DAP: variants seen among roughly 807,000 people sequenced by gnomAD.
The protein encoded by DAP is death-associated protein 1.
In DAP, 8 loss-of-function variants were observed where a neutral mutation model predicts 13.8. That is an observed-to-expected ratio of 0.58 (90% confidence interval 0.34 to 1.05). The LOEUF (loss-of-function observed/expected upper bound fraction) is 1.05. Among genes scored for constraint, DAP ranks in the 50% least tolerant of loss-of-function variants. The pLI, the probability that DAP is intolerant of heterozygous loss-of-function variation, is 0.03. For synonymous variants in DAP, 47 were observed against 47.5 expected (o/e 0.99, Z 0.04); for missense variants, 106 against 133.2 (o/e 0.80, Z 1.01).
At chr5:10,682,424 C>T (rs1438323941) in intron 3 of DAP, among the ~76,000 whole-genome samples, 2 of 150,852 alleles carry the variant, frequency 1.3e-5, no homozygotes, top group African/African-American at 2.4e-5. Flanking sequence ...CCCATACCAG[C>T]GTCCCTGCAG....
Position 10,681,063 on chromosome 5 carries a change from C to G in DAP, c.302G>C (p.Arg101Pro), listed in dbSNP as rs756745510. The change falls in exon 4 of 4, where the codon CGC becomes CCC. Residue 101 changes from arginine to proline, a missense_variant. By Grantham distance (103) the Arg-to-Pro change is moderately radical (BLOSUM62 -2). Coordinates refer to ENST00000230895, the MANE Select transcript of DAP (RefSeq NM_004394.3). ...GGCTGGTGGACTCCAGGCTCACTTG[C>G]GTGGCTGCTGGATGTGCTGGGTTCT... is the stretch of plus-strand genomic sequence containing the variant. ...SPRTQHIQQPRK is the reference protein window; with the variant it reads ...SPRTQHIQQPPK 2 of 1,593,978 alleles carry G rather than the reference C, an allele frequency of 1.3e-6. No homozygotes were observed. The highest frequency in any genetic ancestry group is 2.7e-5 in the African/African-American group (2 of 74,738).
Position 10,681,042 on chromosome 5 carries a change from G to T in DAP, c.*14C>A. 1 of 1,582,294 alleles carries T rather than the reference G, an allele frequency of 6.3e-7. No homozygotes were observed. The highest frequency in any genetic ancestry group is 8.6e-7 in the Non-Finnish European group (1 of 1,163,178). The stretch of plus-strand genomic sequence containing the variant: ...CAGAGCCGGGGCCATGGGGCAGGCT[G>T]GTGGACTCCAGGCTCACTTGCGTGG... On this transcript the variant is annotated 3_prime_UTR_variant, in exon 4 of 4. Coordinates refer to ENST00000230895, the MANE Select transcript of DAP (RefSeq NM_004394.3).
chr5:10,734,117 G>A (rs1008892053), intron 2 of DAP: 9 of 152,318 alleles, frequency 5.9e-5, no homozygotes, highest in South Asian at 2.1e-4. Flanking sequence ...AGGAGCCTCC[G>A]TTCCAAGAGG....
At chr5:10,725,450 C>A (rs569818986) in intron 2 of DAP, among the ~76,000 whole-genome samples, 1 of 152,198 alleles carries the variant, frequency 6.6e-6, no homozygotes, top group Non-Finnish European at 1.5e-5. Flanking sequence ...CTCACCAGGG[C>A]AGCTGCTGAC....
rs113512829 is a variant in DAP, at chr5:10,730,284, G to A, written c.152+17891C>T. On this transcript the variant is annotated intron_variant, in intron 2 of 3. Transcript: ENST00000230895. Reference sequence around the variant, plus strand: ...ATCAGGGGAATAAGCAAATGCCCACGTGCAGCGAGTGGATGCTCAGATGTG... The same window carrying A: ...ATCAGGGGAATAAGCAAATGCCCACATGCAGCGAGTGGATGCTCAGATGTG... 4.7e-3 allele frequency among the ~76,000 whole-genome samples: 720 copies of A among 152,362 alleles called. 4 individuals carry two copies. The highest frequency in any genetic ancestry group is 0.021 in the South Asian group (101 of 4,832).
chr5:10,735,441 G>A (rs1739583344), intron 2 of DAP, among the ~76,000 whole-genome samples: 2 of 152,174 alleles, frequency 1.3e-5, no homozygotes, highest in Non-Finnish European at 2.9e-5. Flanking sequence ...ATGAGCTAAT[G>A]ATAGTACCAA....
At chr5:10,709,583 G>A (rs1380469908) in intron 2 of DAP, among the ~76,000 whole-genome samples, 2 of 152,238 alleles carry the variant, frequency 1.3e-5, no homozygotes, top group African/African-American at 4.8e-5. Flanking sequence ...AAACAGGGCT[G>A]TGTGGCTTTC....
chr5:10,680,772 C>T lies in DAP; in HGVS notation c.*284G>A, dbSNP rs766715044. 1 of 1,536,580 alleles carries T rather than the reference C, an allele frequency of 6.5e-7. No homozygotes were observed. Among genetic ancestry groups the T allele is most frequent in the Non-Finnish European group, 8.7e-7 (1 of 1,147,000 alleles). ...ACGTCAGGTGACTGCTGAAATAGAA[C>T]TAAAGCTAAAATTTTTCTCGGATCT... On this transcript the variant is annotated 3_prime_UTR_variant, in exon 4 of 4. Coordinates refer to ENST00000230895, the MANE Select transcript of DAP (RefSeq NM_004394.3).
intron 2 of DAP, among the ~76,000 whole-genome samples, chr5:10,702,218 C>A (rs1384119835): frequency 6.6e-6 from 1 of 152,172 alleles, no homozygotes; most frequent in Non-Finnish European, 1.5e-5. Flanking sequence ...ATGCTTTGAG[C>A]ACCAAATGAC....
At chr5:10,759,732 G>A (rs1479572786) in intron 1 of DAP, among the ~76,000 whole-genome samples, 2 of 144,486 alleles carry the variant, frequency 1.4e-5, no homozygotes, top group African/African-American at 2.5e-5. Flanking sequence ...AGCAGAGAAG[G>A]ATAATGGGAA....
chr5:10,681,828 G>A (rs1490051713), intron 3 of DAP, among the ~76,000 whole-genome samples: 3 of 151,336 alleles, frequency 2.0e-5, no homozygotes, highest in African/African-American at 7.3e-5. Context: ...GGAAGCTCCA[G>A]GCCAGCACCC....
chr5:10,748,329 G>T, intron 1 of DAP, 58 bp from the exon 2 acceptor site: 2 of 1,452,398 alleles, frequency 1.4e-6, no homozygotes, highest in South Asian at 1.1e-5. Context: ...CTGTGGATCA[G>T]GGGGACCAGC....
At chr5:10,748,045 G>A in intron 2 of DAP, 130 bp downstream of exon 2, 2 of 668,852 alleles carry the variant, frequency 3.0e-6, no homozygotes, top group Non-Finnish European at 5.2e-6. Flanking sequence ...ATTAGGAAGG[G>A]AAAAATACAC....
chr5:10,692,383 G>A (rs972640073), intron 2 of DAP, among the ~76,000 whole-genome samples: 2 of 152,148 alleles, frequency 1.3e-5, no homozygotes, highest in African/African-American at 2.4e-5. Context: ...CCAGGCAGAC[G>A]GCTGCTGCAA....
Position 10,683,549 on chromosome 5 carries a change from T to G in DAP, c.175A>C (p.Ile59Leu). 1 of 1,612,816 alleles carries G rather than the reference T, an allele frequency of 6.2e-7. No homozygotes were observed. Among genetic ancestry groups the G allele is most frequent in the Non-Finnish European group, 8.5e-7 (1 of 1,179,598 alleles). Reference protein sequence around the residue: ...SPSPPKPTVFISGVIARGDKD... With the variant: ...SPSPPKPTVFLSGVIARGDKD... Reference sequence around the variant, plus strand: ...CTTACCCGGGCGATGACCCCAGAGATGAACACAGTGGGTTTAGGTGGACTG... The same window carrying G: ...CTTACCCGGGCGATGACCCCAGAGAGGAACACAGTGGGTTTAGGTGGACTG... The change falls in exon 3 of 4, where the codon ATC becomes CTC. Residue 59 changes from isoleucine to leucine, a missense_variant. Ile to Leu is a conservative substitution (Grantham distance 5). Coordinates refer to ENST00000230895, the MANE Select transcript of DAP (RefSeq NM_004394.3).
intron 3 of DAP, chr5:10,683,023 C>T (rs1738063171): frequency 5.2e-6 from 1 of 192,134 alleles, no homozygotes; most frequent in South Asian, 8.9e-5. Flanking sequence ...CCAGAGGGAT[C>T]AATGGGCTTC....
chr5:10,736,982 G>A (rs1579814038), intron 2 of DAP, among the ~76,000 whole-genome samples: 1 of 152,212 alleles, frequency 6.6e-6, no homozygotes, highest in East Asian at 1.9e-4. Flanking sequence ...GTGGCCCGTG[G>A]CACTCCAGCA....
At chr5:10,712,512 A>G (rs267987) in intron 2 of DAP, among the ~76,000 whole-genome samples, 141,410 of 152,194 alleles carry the variant, frequency 0.93, 66,018 homozygotes, top group Non-Finnish European at 0.97. Context: ...GGAGAGGTGC[A>G]GAGGAGGACT....
intron 2 of DAP, among the ~76,000 whole-genome samples, chr5:10,687,903 GTCTT>G (rs1332267929): frequency 8.1e-6 from 1 of 123,574 alleles, no homozygotes; most frequent in Non-Finnish European, 1.6e-5. Context: ...CTTCATTGTT[GTCTT>G]TTTTTTTTTT....
Sources: allele counts gnomAD v4.1 joint callset (sites outside exome capture counted in the v4.1 genomes callset), GRCh38; gene constraint gnomAD v4.1.1; transcripts MANE v1.5; gene names NCBI Gene and HGNC (gene_info 2026-07-23, HGNC 2026-07-21).